PIGL: variants seen among roughly 807,000 people sequenced by gnomAD.
PIGL encodes phosphatidylinositol glycan anchor biosynthesis class L, also known as N-acetylglucosaminyl-phosphatidylinositol de-N-acetylase.
PIGL carries 22 observed loss-of-function variants against 31.1 expected under a neutral mutation model. The observed-to-expected ratio is 0.71, with a 90% CI of 0.51 to 1.01. PIGL has a LOEUF of 1.01. Among genes scored for constraint, PIGL ranks in the 50% least tolerant of loss-of-function variants. The probability of loss-of-function intolerance (pLI) is 0.00; values close to 1 mark genes in which losing one functional copy is unlikely to be tolerated. For synonymous variants in PIGL, 131 were observed against 117.4 expected (o/e 1.12, Z -0.75); for missense variants, 302 against 315.9 (o/e 0.96, Z 0.33).
chr17:16,275,706 G>T (rs868084070), intron 2 of PIGL, among the ~76,000 whole-genome samples: 10 of 152,214 alleles, frequency 6.6e-5, no homozygotes, highest in African/African-American at 2.4e-4. Context: ...TGTATTTGGG[G>T]TAGAGAGGAG....
intron 2 of PIGL, among the ~76,000 whole-genome samples, chr17:16,245,122 A>G (rs778127375): frequency 2.0e-5 from 3 of 152,080 alleles, no homozygotes; most frequent in Non-Finnish European, 4.4e-5. Flanking sequence ...CCTCCCAGGA[A>G]GCTAGGATTA....
At chr17:16,286,966 G>A (rs1189501927) in intron 2 of PIGL, among the ~76,000 whole-genome samples, 2 of 152,180 alleles carry the variant, frequency 1.3e-5, no homozygotes, top group Non-Finnish European at 2.9e-5. Flanking sequence ...CTAAGGGAAG[G>A]GACCATGACT....
intron 1 of PIGL, among the ~76,000 whole-genome samples, chr17:16,227,582 T>TTC (rs2092657950): frequency 6.9e-6 from 1 of 144,032 alleles, no homozygotes; most frequent in African/African-American, 2.6e-5. Flanking sequence ...TCTTTTCTTT[T>TTC]TTTTTTTTTT....
intron 2 of PIGL, among the ~76,000 whole-genome samples, chr17:16,255,948 G>A (rs1312244946): frequency 6.6e-6 from 1 of 152,000 alleles, no homozygotes; most frequent in Non-Finnish European, 1.5e-5. Context: ...AAGCTGCTTC[G>A]ATACTACTTC....
intron 3 of PIGL, among the ~76,000 whole-genome samples, chr17:16,311,682 A>C (rs2093051252): frequency 1.3e-5 from 2 of 149,636 alleles, no homozygotes; most frequent in Non-Finnish European, 1.5e-5. Context: ...TGCTGCCTTC[A>C]AGCATCTGTT....
intron 1 of PIGL, among the ~76,000 whole-genome samples, chr17:16,218,544 C>T (rs1244422342): frequency 6.6e-6 from 1 of 151,938 alleles, no homozygotes; most frequent in Non-Finnish European, 1.5e-5. Flanking sequence ...AGGGTTTTTT[C>T]CTAGTTTATT....
intron 2 of PIGL, among the ~76,000 whole-genome samples, chr17:16,268,831 C>T (rs181591812): frequency 1.3e-3 from 190 of 147,514 alleles, no homozygotes; most frequent in Middle Eastern, 7.5e-3. Context: ...GGCGCAATTT[C>T]GGCTCACTGT....
intron 4 of PIGL, among the ~76,000 whole-genome samples, chr17:16,314,883 C>T (rs2093069259): frequency 6.6e-6 from 1 of 152,184 alleles, no homozygotes; most frequent in South Asian, 2.1e-4. Context: ...GCATGGACAG[C>T]AAGCCCCATG....
intron 1 of PIGL, among the ~76,000 whole-genome samples, chr17:16,219,065 ATTT>A (rs766541353): frequency 2.5e-5 from 2 of 81,628 alleles, no homozygotes; most frequent in Non-Finnish European, 5.5e-5. Context: ...TTTTTTATAA[ATTT>A]TTTTTTTTTT....
chr17:16,225,813 G>T (rs1193060928), intron 1 of PIGL, among the ~76,000 whole-genome samples: 1 of 151,816 alleles, frequency 6.6e-6, no homozygotes, highest in Non-Finnish European at 1.5e-5. Context: ...TAAATTCAGG[G>T]ATCAAACCCA....
At chr17:16,254,750 GC>G (rs1260249700) in intron 2 of PIGL, among the ~76,000 whole-genome samples, 1 of 151,856 alleles carries the variant, frequency 6.6e-6, no homozygotes, top group Non-Finnish European at 1.5e-5. Flanking sequence ...GACTACAGGC[GC>G]CCACCACCAC....
intron 1 of PIGL, among the ~76,000 whole-genome samples, chr17:16,221,530 ACCTC>A: frequency 6.6e-6 from 1 of 151,056 alleles, no homozygotes; most frequent in East Asian, 1.9e-4. Flanking sequence ...GGTCACTGCA[ACCTC>A]TGCCTCCTGG....
intron 2 of PIGL, among the ~76,000 whole-genome samples, chr17:16,236,153 A>G (rs1015396037): frequency 6.6e-6 from 1 of 152,066 alleles, no homozygotes; most frequent in Non-Finnish European, 1.5e-5. Context: ...TAGGTGCTTA[A>G]TTTTTTCCCC....
chr17:16,285,509 C>T (rs1175950654), intron 2 of PIGL, among the ~76,000 whole-genome samples: 1 of 151,834 alleles, frequency 6.6e-6, no homozygotes, highest in Non-Finnish European at 1.5e-5. Context: ...CACCTGAACC[C>T]GGGCGGCAGA....
At chr17:16,254,299 G>A (rs1431235177) in intron 2 of PIGL, among the ~76,000 whole-genome samples, 9 of 150,786 alleles carry the variant, frequency 6.0e-5, no homozygotes, top group Non-Finnish European at 1.0e-4. Context: ...ATAGAGTTTC[G>A]TTCTTATTGC....
chr17:16,241,540 A>G (rs1014378180), intron 2 of PIGL, among the ~76,000 whole-genome samples: 4 of 152,012 alleles, frequency 2.6e-5, no homozygotes, highest in Non-Finnish European at 5.9e-5. Context: ...GCACTCCAGA[A>G]TGGGCAACAA....
chr17:16,241,114 C>CAAAA (rs35578509), intron 2 of PIGL, among the ~76,000 whole-genome samples: 61 of 52,618 alleles, frequency 1.2e-3, no homozygotes, highest in African/African-American at 1.3e-3. Context: ...AACTCCCTCT[C>CAAAA]AAAAAAAAAA....
chr17:16,301,665 G>T (rs1216152911), intron 3 of PIGL, among the ~76,000 whole-genome samples: 1 of 149,926 alleles, frequency 6.7e-6, no homozygotes, highest in Non-Finnish European at 1.5e-5. Flanking sequence ...TCCGCCTCCC[G>T]GGTTCACGCC....
intron 6 of PIGL, among the ~76,000 whole-genome samples, chr17:16,320,736 G>A (rs2093101917): frequency 6.6e-6 from 1 of 151,874 alleles, no homozygotes; most frequent in African/African-American, 2.4e-5. Flanking sequence ...CCAGGTTCAA[G>A]CAATTCTTCT....
Sources: allele counts gnomAD v4.1 joint callset (sites outside exome capture counted in the v4.1 genomes callset), GRCh38; gene constraint gnomAD v4.1.1; transcripts MANE v1.5; gene names NCBI Gene and HGNC (gene_info 2026-07-23, HGNC 2026-07-21).